AZI2: variants seen among roughly 807,000 people sequenced by gnomAD.
AZI2 encodes 5-azacytidine induced 2.
AZI2 carries 22 observed loss-of-function variants against 45.8 expected under a neutral mutation model. The ratio of observed to expected loss-of-function variants is 0.48; its 90% CI spans 0.34 to 0.69. The LOEUF is 0.69. Among genes scored for constraint, AZI2 ranks in the 30% least tolerant of loss-of-function variants. The pLI is 0.01. For synonymous variants in AZI2, 137 were observed against 156.7 expected, an observed-to-expected ratio of 0.87 and a Z score of 0.94; for missense variants, 417 against 441.5, an observed-to-expected ratio of 0.94 and a Z score of 0.50.
rs2125627962 is a variant in AZI2 at position 28,322,331 on chromosome 3, C to T, written c.*1711G>A. 1 of 151,356 alleles carries T rather than the reference C, an allele frequency of 6.6e-6. No individual in the cohort carries two copies. Among genetic ancestry groups the T allele is most frequent in the African/African-American group, 2.4e-5 (1 of 41,456 alleles). The allele number at this position is 151,356 out of a possible 1,614,324, so 9.4% of individuals were successfully genotyped here. On this transcript the variant is annotated 3_prime_UTR_variant, in exon 8 of 8. Coordinates refer to ENST00000479665, the MANE Select transcript of AZI2 (RefSeq NM_022461.5). ...AGTACTAGATTTTGAGATCTATAGG[C>T]AAGGACAATATTTCACATCCACTTC...
chr3:28,346,071 G>A (rs1423340329), intron 1 of AZI2, among the ~76,000 whole-genome samples: 3 of 152,140 alleles, frequency 2.0e-5, no homozygotes, highest in Admixed American at 1.3e-4. Flanking sequence ...AAGGTGAGAT[G>A]TGAACCTAAG....
At chr3:28,337,107 T>A in intron 4 of AZI2, 1 of 477,358 alleles carries the variant, frequency 2.1e-6, no homozygotes, top group Non-Finnish European at 3.6e-6. Context: ...TAAAGACAAC[T>A]ACACTAAAAT....
intron 5 of AZI2, among the ~76,000 whole-genome samples, chr3:28,333,426 T>TG (rs1450593234): frequency 6.6e-6 from 1 of 151,726 alleles, no homozygotes; most frequent in East Asian, 1.9e-4. Context: ...CACATGTCCT[T>TG]GGACCTTGTT....
chr3:28,339,062 C>A (rs959830142), intron 2 of AZI2, among the ~76,000 whole-genome samples: 3 of 151,600 alleles, frequency 2.0e-5, no homozygotes, highest in Non-Finnish European at 4.4e-5. Flanking sequence ...CTCACTGCAA[C>A]CTCCGCCTCC....
rs1703210673 is a variant in AZI2, at chr3:28,322,347, C to A, written c.*1695G>T. The A allele has an allele frequency of 6.6e-6, 1 of 151,270 alleles. No individual in the cohort carries two copies. The highest frequency in any genetic ancestry group is 6.6e-5 in the Admixed American group (1 of 15,118). The allele number at this position is 151,270 out of a possible 1,614,324, so 9.4% of individuals were successfully genotyped here. On this transcript the variant is annotated 3_prime_UTR_variant, in exon 8 of 8. Coordinates refer to ENST00000479665, the MANE Select transcript of AZI2 (RefSeq NM_022461.5). ...ATCTATAGGCAAGGACAATATTTCA[C>A]ATCCACTTCAATTTCAAACAAAAAT...
chr3:28,347,909 G>A (rs1297819523), intron 1 of AZI2, among the ~76,000 whole-genome samples: 1 of 152,306 alleles, frequency 6.6e-6, no homozygotes, highest in East Asian at 1.9e-4. Flanking sequence ...CACATAAGGC[G>A]CAAGGGTCAA....
chr3:28,323,947 A>G lies in AZI2; in HGVS notation c.*95T>C. Reference sequence around the variant, plus strand: ...ATACTGAAGACCTCTGCAAAATTTTAATCAAAATCTCCTTTCAGTTTGTTA... The same window carrying G: ...ATACTGAAGACCTCTGCAAAATTTTGATCAAAATCTCCTTTCAGTTTGTTA... On this transcript the variant is annotated 3_prime_UTR_variant, in exon 8 of 8. Coordinates refer to ENST00000479665, the MANE Select transcript of AZI2 (RefSeq NM_022461.5). The G allele has an allele frequency of 7.1e-7, 1 of 1,406,910 alleles. No individual in the cohort carries two copies. Among genetic ancestry groups the G allele is most frequent in the Non-Finnish European group, 9.6e-7 (1 of 1,036,464 alleles). 87.2% of individuals were successfully genotyped at this position (1,406,910 alleles called of 1,614,324 possible).
intron 5 of AZI2, among the ~76,000 whole-genome samples, chr3:28,335,701 G>C (rs1283645683): frequency 6.6e-6 from 1 of 151,866 alleles, no homozygotes; most frequent in Non-Finnish European, 1.5e-5. Context: ...AGAGAAGAAA[G>C]AAGTATCAGC....
At chr3:28,337,896 G>C (rs1444653867) in intron 4 of AZI2, 41 bp downstream of exon 4, 1 of 1,253,276 alleles carries the variant, frequency 8.0e-7, no homozygotes, top group Non-Finnish European at 1.1e-6. Context: ...GGAAAAATAT[G>C]TTAATTCTGT....
At chr3:28,329,205 T>C (rs1357246833) in intron 6 of AZI2, among the ~76,000 whole-genome samples, 1 of 151,176 alleles carries the variant, frequency 6.6e-6, no homozygotes, top group African/African-American at 2.4e-5. Flanking sequence ...ACTAGGCACT[T>C]CACCTACATT....
intron 1 of AZI2, among the ~76,000 whole-genome samples, chr3:28,347,172 A>G (rs533940141): frequency 3.3e-5 from 5 of 152,350 alleles, no homozygotes; most frequent in Admixed American, 6.5e-5. Flanking sequence ...CACTCTGAAT[A>G]TAAGTGCCAT....
intron 1 of AZI2, 146 bp from the exon 2 acceptor site, chr3:28,340,768 G>C: frequency 1.6e-6 from 1 of 631,224 alleles, no homozygotes; most frequent in East Asian, 2.9e-5. Flanking sequence ...CTACCATTTA[G>C]TGTCTGACTT....
intron 6 of AZI2, among the ~76,000 whole-genome samples, chr3:28,329,327 G>A (rs904173972): frequency 1.5e-4 from 23 of 151,014 alleles, no homozygotes; most frequent in Admixed American, 2.7e-4. Context: ...CACTTAACCC[G>A]GTCTAATGAC....
In AZI2 at chr3:28,331,203, T is replaced by C. The variant is rs1350882788; in HGVS notation, c.647+1166A>G. Among the ~76,000 whole-genome samples the C allele has an allele frequency of 2.0e-5, 3 of 151,410 alleles. No individual in the cohort carries two copies. The Admixed American group carries it at 2.0e-4, about 10-fold the overall frequency. On this transcript the variant is annotated intron_variant, in intron 6 of 7. Coordinates refer to ENST00000479665, the MANE Select transcript of AZI2 (RefSeq NM_022461.5). Reference sequence around the variant, plus strand: ...TTATATAGCCCCTGTATTTGATCTCTTTTGATGATATTATTCATTCTCTAC... The same window carrying C: ...TTATATAGCCCCTGTATTTGATCTCCTTTGATGATATTATTCATTCTCTAC...
chr3:28,322,385 TAAAC>T lies in AZI2; in HGVS notation c.*1653_*1656del, dbSNP rs1703212430. ...TTCAAACAAAAATATTTATTTTAATTAAACAATTTCTTGGTATTGTTCAAAACAT... is the reference window on the plus strand; with the variant it reads ...TTCAAACAAAAATATTTATTTTAATTAATTTCTTGGTATTGTTCAAAACAT... On this transcript the variant is annotated 3_prime_UTR_variant, in exon 8 of 8. Transcript: ENST00000479665. 1 of 151,524 alleles carries T rather than the reference TAAAC, an allele frequency of 6.6e-6. No individual in the cohort carries two copies. Among genetic ancestry groups the T allele is most frequent in the Middle Eastern group, 3.2e-3 (1 of 316 alleles). The allele number at this position is 151,524 out of a possible 1,614,324, so 9.4% of individuals were successfully genotyped here.
intron 5 of AZI2, 43 bp from the exon 6 acceptor site, chr3:28,332,470 T>C: frequency 6.6e-7 from 1 of 1,518,200 alleles, no homozygotes; most frequent in Non-Finnish European, 9.1e-7. Flanking sequence ...GTTGTAATTT[T>C]TACAATTTAT....
At chr3:28,337,900 A>G in intron 4 of AZI2, 37 bp downstream of exon 4, 1 of 1,281,668 alleles carries the variant, frequency 7.8e-7, no homozygotes, top group Non-Finnish European at 1.1e-6. Flanking sequence ...AAATATGTTA[A>G]TTCTGTTAGA....
At chr3:28,343,102 A>T (rs902528989) in intron 1 of AZI2, among the ~76,000 whole-genome samples, 4 of 152,082 alleles carry the variant, frequency 2.6e-5, no homozygotes, top group African/African-American at 9.7e-5. Flanking sequence ...GAAAACCCAG[A>T]GAGGCAGAGT....
chr3:28,344,181 TTTTA>T, intron 1 of AZI2, among the ~76,000 whole-genome samples: 1 of 152,152 alleles, frequency 6.6e-6, no homozygotes, highest in East Asian at 1.9e-4. Flanking sequence ...ATGTATCAAC[TTTTA>T]TTGTTTTAAA....
Sources: gnomAD v4.1 joint callset for allele counts (sites outside exome capture counted in the v4.1 genomes callset) on GRCh38, gnomAD v4.1.1 for gene constraint, MANE v1.5 for transcripts, NCBI Gene and HGNC (gene_info 2026-07-23, HGNC 2026-07-21) for gene names.